Variants in RBM8A observed in about 807,000 individuals in gnomAD.
RBM8A encodes RNA-binding protein 8A.
Under a neutral mutation model 25.1 loss-of-function variants are expected in RBM8A, and 8 were observed. The ratio of observed to expected loss-of-function variants is 0.32; its 90% CI spans 0.19 to 0.58. RBM8A has a LOEUF of 0.58. Ranked by LOEUF, RBM8A falls within the 20% of genes least tolerant of loss-of-function variation. The probability of loss-of-function intolerance (pLI) is 0.88; values close to 1 mark genes in which losing one functional copy is unlikely to be tolerated. For missense variants in RBM8A, 114 were observed against 236.8 expected (o/e 0.48, Z 3.40); for synonymous variants, 66 against 80.0 (o/e 0.82, Z 0.94).
In RBM8A at chr1:145,924,496, A is replaced by C; in HGVS notation, c.*1386T>G. 2.6e-6 allele frequency: 1 copy of C among 383,184 alleles called. No homozygotes were observed. The highest frequency in any genetic ancestry group is 5.4e-6 in the Non-Finnish European group (1 of 184,770). The allele number at this position is 383,184 out of a possible 1,614,324, so 23.7% of individuals were successfully genotyped here. A position where few individuals can be genotyped will look rare whatever the true frequency, so the allele number is the denominator to read the frequency against. On this transcript the variant is annotated 3_prime_UTR_variant, in exon 6 of 6. Transcript: ENST00000583313. ...TGGTGAGATTCTAACCATGTCTAGC[A>C]CCTGATGCTAGAGATAATTTTGTTG...
Position 145,927,078 on chromosome 1 carries a change from C to G in RBM8A, c.68-1G>C. Reference sequence around the variant, plus strand: ...TTTTCTTTCAGTTTGTGAATGCTCTCTGGAACCCCAGAAGATAAAAGAATA... The same window carrying G: ...TTTTCTTTCAGTTTGTGAATGCTCTGTGGAACCCCAGAAGATAAAAGAATA... On this transcript the variant is annotated splice_acceptor_variant, in intron 1 of 5. Coordinates refer to ENST00000583313, the MANE Select transcript of RBM8A (RefSeq NM_005105.5). LOFTEE classifies it high-confidence loss of function. The G allele has an allele frequency of 6.2e-7, 1 of 1,613,572 alleles. No homozygotes were observed. The highest frequency in any genetic ancestry group is 8.5e-7 in the Non-Finnish European group (1 of 1,179,500).
intron 4 of RBM8A, 112 bp from the exon 5 acceptor site, chr1:145,926,289 A>T: frequency 1.4e-6 from 2 of 1,478,848 alleles, no homozygotes; most frequent in Non-Finnish European, 1.9e-6. Context: ...TAAACAATGA[A>T]TGTACATCAT....
At position 145,926,180 on chromosome 1, in the gene RBM8A, G is replaced by A. The variant is rs199925293; in HGVS notation, c.343-3C>T. The A allele has an allele frequency of 1.2e-6, 2 of 1,612,806 alleles. No individual in the cohort carries two copies. Among genetic ancestry groups the A allele is most frequent in the African/African-American group, 1.3e-5 (1 of 74,986 alleles). On this transcript the variant is annotated splice_region_variant and splice_polypyrimidine_tract_variant and intron_variant, in intron 4 of 5. Coordinates refer to ENST00000583313, the MANE Select transcript of RBM8A (RefSeq NM_005105.5). ...TCATATTCAACTAGAGTATACCCCT[G>A]GGGAAAGTGAAAAGACAGATATGAA...
In RBM8A at chr1:145,922,933, T is replaced by A. The variant is rs1402728452; in HGVS notation, c.*2949A>T. 1 of 151,424 alleles carries A rather than the reference T, an allele frequency of 6.6e-6. No homozygotes were observed. Among genetic ancestry groups the A allele is most frequent in the African/African-American group, 2.4e-5 (1 of 40,980 alleles). The allele number at this position is 151,424 out of a possible 1,614,324, so 9.4% of individuals were successfully genotyped here. A position where few individuals can be genotyped will look rare whatever the true frequency, so the allele number is the denominator to read the frequency against. ...CCAAGAGCTTTGATTATTATTTTTT[T>A]TTTTTTTGGAGACAGTCTTACTCTG... On this transcript the variant is annotated 3_prime_UTR_variant, in exon 6 of 6. Transcript: ENST00000583313.
At position 145,922,905 on chromosome 1, in the gene RBM8A, A is replaced by C. The variant is rs1378110702; in HGVS notation, c.*2977T>G. The C allele has an allele frequency of 6.6e-6, 1 of 151,488 alleles. No individual in the cohort carries two copies. The highest frequency in any genetic ancestry group is 1.5e-5 in the Non-Finnish European group (1 of 67,934). 9.4% of individuals were successfully genotyped at this position (151,488 alleles called of 1,614,324 possible). A position where few individuals can be genotyped will look rare whatever the true frequency, so the allele number is the denominator to read the frequency against. ...AAACAAGGCTGTGGACCAAACTATAAATCCAAGAGCTTTGATTATTATTTT... is the reference window on the plus strand; with the variant it reads ...AAACAAGGCTGTGGACCAAACTATACATCCAAGAGCTTTGATTATTATTTT... On this transcript the variant is annotated 3_prime_UTR_variant, in exon 6 of 6. Coordinates refer to ENST00000583313, the MANE Select transcript of RBM8A (RefSeq NM_005105.5).
chr1:145,925,790 T>C lies in RBM8A; in HGVS notation c.*92A>G, dbSNP rs1648117806. The C allele has an allele frequency of 7.1e-7, 1 of 1,408,174 alleles. No homozygotes were observed. The highest frequency in any genetic ancestry group is 1.0e-6 in the Non-Finnish European group (1 of 998,306). The allele number at this position is 1,408,174 out of a possible 1,614,324, so 87.2% of individuals were successfully genotyped here. A position where few individuals can be genotyped will look rare whatever the true frequency, so the allele number is the denominator to read the frequency against. On this transcript the variant is annotated 3_prime_UTR_variant, in exon 6 of 6. Transcript: ENST00000583313. Reference sequence around the variant, plus strand: ...CGCATATACGGTAAGAGATTAAATATAAACACAGCAAGTTCCACCCCAGTC... The same window carrying C: ...CGCATATACGGTAAGAGATTAAATACAAACACAGCAAGTTCCACCCCAGTC...
In RBM8A at chr1:145,924,641, C is replaced by G. The variant is rs1647999540; in HGVS notation, c.*1241G>C. On this transcript the variant is annotated 3_prime_UTR_variant, in exon 6 of 6. Transcript: ENST00000583313. ...GTGGCTTCATATTTCTATCATAATC[C>G]CTGGGGGTAAGAAATCATATAGTCC... is the stretch of plus-strand genomic sequence containing the variant. 2.8e-6 allele frequency: 1 copy of G among 354,264 alleles called. No homozygotes were observed. Among genetic ancestry groups the G allele is most frequent in the African/African-American group, 2.2e-5 (1 of 46,344 alleles). 21.9% of individuals were successfully genotyped at this position (354,264 alleles called of 1,614,324 possible).
chr1:145,927,050 G>A lies in RBM8A; in HGVS notation c.95C>T (p.Ala32Val). The change falls in exon 2 of 6, where the codon GCG becomes GTG. Residue 32 changes from alanine to valine, a missense_variant. By Grantham distance (64) the Ala-to-Val change is moderately conservative. This residue lies in a region of RBM8A where 12 missense variants were observed against 54.1 expected (regional missense o/e 0.22). Coordinates refer to ENST00000583313, the MANE Select transcript of RBM8A (RefSeq NM_005105.5). ...AAAGCCGCGACCCTTCCGTTTCTTCGCTTTTTCTTTCAGTTTGTGAATGCT... is the reference window on the plus strand; with the variant it reads ...AAAGCCGCGACCCTTCCGTTTCTTCACTTTTTCTTTCAGTTTGTGAATGCT... ...DESIHKLKEK[A>V]KKRKGRGFGS... is the part of the protein sequence containing the mutation. 1.9e-6 allele frequency: 3 copies of A among 1,614,022 alleles called. No individual in the cohort carries two copies. The highest frequency in any genetic ancestry group is 1.7e-6 in the Non-Finnish European group (2 of 1,179,984).
In RBM8A at chr1:145,924,523, A is replaced by G. The variant is rs1647993098; in HGVS notation, c.*1359T>C. 2.7e-6 allele frequency: 1 copy of G among 376,072 alleles called. No homozygotes were observed. The highest frequency in any genetic ancestry group is 3.5e-5 in the Admixed American group (1 of 28,262). 23.3% of individuals were successfully genotyped at this position (376,072 alleles called of 1,614,324 possible). On this transcript the variant is annotated 3_prime_UTR_variant, in exon 6 of 6. Coordinates refer to ENST00000583313, the MANE Select transcript of RBM8A (RefSeq NM_005105.5). ...CTGATGCTAGAGATAATTTTGTTGA[A>G]TCCCTTCAATTATAAACAGCTGAGT...
rs1647925931 is a variant in RBM8A at position 145,923,532 on chromosome 1, C to CA, written c.*2349dup. ...ACCTTTTATCAAATTAATAGTGACT[C>CA]AATCTCCATTACTGGAAAGCAGGCA... On this transcript the variant is annotated 3_prime_UTR_variant, in exon 6 of 6. Coordinates refer to ENST00000583313, the MANE Select transcript of RBM8A (RefSeq NM_005105.5). 5.4e-6 allele frequency: 1 copy of CA among 185,598 alleles called. No individual in the cohort carries two copies. Among genetic ancestry groups the CA allele is most frequent in the Non-Finnish European group, 1.1e-5 (1 of 89,802 alleles). The allele number at this position is 185,598 out of a possible 1,614,324, so 11.5% of individuals were successfully genotyped here.
chr1:145,927,391 G>C lies in RBM8A; in HGVS notation c.36C>G (p.Gly12=), dbSNP rs782599200. The change falls in exon 1 of 6, where the codon GGC becomes GGG. Residue 12 remains glycine, a synonymous_variant. Transcript: ENST00000583313. ...ADVLDLHEAG[G]EDFAMDEDGD... is the part of the protein sequence containing the mutation. ...CATCCTCATCCATGGCGAAATCTTCGCCCCCAGCCTCGTGAAGATCTAGCA... is the reference window on the plus strand; with the variant it reads ...CATCCTCATCCATGGCGAAATCTTCCCCCCCAGCCTCGTGAAGATCTAGCA... 2.2e-5 allele frequency: 36 copies of C among 1,611,542 alleles called. No individual in the cohort carries two copies. In the African/African-American group the frequency reaches 4.3e-4, roughly 19 times the overall value.
chr1:145,925,975 C>G (rs374140286), intron 5 of RBM8A, 48 bp from the exon 6 acceptor site: 1 of 1,613,780 alleles, frequency 6.2e-7, no homozygotes, highest in Non-Finnish European at 8.5e-7. Flanking sequence ...GGACATAATA[C>G]TAAGTCCTCA....
rs587668620 is a variant in RBM8A at position 145,925,595 on chromosome 1, C to A, written c.*287G>T. The A allele has an allele frequency of 2.6e-6, 1 of 378,434 alleles. No individual in the cohort carries two copies. The highest frequency in any genetic ancestry group is 5.9e-5 in the East Asian group (1 of 17,080). 23.4% of individuals were successfully genotyped at this position (378,434 alleles called of 1,614,324 possible). A position where few individuals can be genotyped will look rare whatever the true frequency, so the allele number is the denominator to read the frequency against. On this transcript the variant is annotated 3_prime_UTR_variant, in exon 6 of 6. Coordinates refer to ENST00000583313, the MANE Select transcript of RBM8A (RefSeq NM_005105.5). ...CCACCCTGGGTAACACAGCAAGACT[C>A]TATCTCAAAAAAAAGAAAAAAAAGA...
Position 145,926,792 on chromosome 1 carries a change from G to A in RBM8A, c.205+17C>T. 1 of 1,614,006 alleles carries A rather than the reference G, an allele frequency of 6.2e-7. No homozygotes were observed. The highest frequency in any genetic ancestry group is 1.1e-5 in the South Asian group (1 of 91,072). On this transcript the variant is annotated intron_variant, in intron 3 of 5. Coordinates refer to ENST00000583313, the MANE Select transcript of RBM8A (RefSeq NM_005105.5). Reference sequence around the variant, plus strand: ...TACCACAGACACGGATACCTCACAGGTTCCATTATTACTCACAGCGTTGTG... The same window carrying A: ...TACCACAGACACGGATACCTCACAGATTCCATTATTACTCACAGCGTTGTG...
rs1299140365 is a variant in RBM8A at position 145,926,899 on chromosome 1, T to TA, written c.128-14dup. On this transcript the variant is annotated splice_polypyrimidine_tract_variant and intron_variant, in intron 2 of 5. Coordinates refer to ENST00000583313, the MANE Select transcript of RBM8A (RefSeq NM_005105.5). ...CGGGACCCCTCTTCTATAAGGGACATACACGAGATCACCGAAAACTCCTCC... is the reference window on the plus strand; with the variant it reads ...CGGGACCCCTCTTCTATAAGGGACATAACACGAGATCACCGAAAACTCCTCC... The TA allele has an allele frequency of 1.9e-6, 3 of 1,614,050 alleles. No homozygotes were observed. In the Admixed American group the frequency reaches 5.0e-5, roughly 27 times the overall value.
In RBM8A at chr1:145,924,404, G is replaced by A; in HGVS notation, c.*1478C>T. On this transcript the variant is annotated 3_prime_UTR_variant, in exon 6 of 6. Coordinates refer to ENST00000583313, the MANE Select transcript of RBM8A (RefSeq NM_005105.5). ...TCCCAGGCCTTAATCCTTAACCCTAGACCTGTTGCCTCTAGCATCATTTAT... is the reference window on the plus strand; with the variant it reads ...TCCCAGGCCTTAATCCTTAACCCTAAACCTGTTGCCTCTAGCATCATTTAT... The A allele has an allele frequency of 2.1e-6, 1 of 473,040 alleles. No homozygotes were observed. Among genetic ancestry groups the A allele is most frequent in the Non-Finnish European group, 4.4e-6 (1 of 229,464 alleles). The allele number at this position is 473,040 out of a possible 1,614,324, so 29.3% of individuals were successfully genotyped here.
chr1:145,924,358 G>T lies in RBM8A; in HGVS notation c.*1524C>A, dbSNP rs782431884. 7 of 489,334 alleles carry T rather than the reference G, an allele frequency of 1.4e-5. No individual in the cohort carries two copies. The highest frequency in any genetic ancestry group is 7.7e-5 in the South Asian group (5 of 64,652). The allele number at this position is 489,334 out of a possible 1,614,324, so 30.3% of individuals were successfully genotyped here. Reference sequence around the variant, plus strand: ...TGTCCAGGCCCCAGACAAGGAAGGGGAGCCATGGTGAGACTCCAATTCCCA... The same window carrying T: ...TGTCCAGGCCCCAGACAAGGAAGGGTAGCCATGGTGAGACTCCAATTCCCA... On this transcript the variant is annotated 3_prime_UTR_variant, in exon 6 of 6. Coordinates refer to ENST00000583313, the MANE Select transcript of RBM8A (RefSeq NM_005105.5).
Position 145,925,856 on chromosome 1 carries a change from A to G in RBM8A, c.*26T>C, listed in dbSNP as rs1553755751. ...TGCATGGTCAAATGGAATCTTGAAGAGAACACCTGGACAACAGAGGACCTG... is the reference window on the plus strand; with the variant it reads ...TGCATGGTCAAATGGAATCTTGAAGGGAACACCTGGACAACAGAGGACCTG... On this transcript the variant is annotated 3_prime_UTR_variant, in exon 6 of 6. Coordinates refer to ENST00000583313, the MANE Select transcript of RBM8A (RefSeq NM_005105.5). 1 of 1,603,240 alleles carries G rather than the reference A, an allele frequency of 6.2e-7. No homozygotes were observed.
chr1:145,926,658 G>A, intron 3 of RBM8A, 40 bp from the exon 4 acceptor site: 1 of 1,613,078 alleles, frequency 6.2e-7, no homozygotes, highest in African/African-American at 1.3e-5. Context: ...GTACATGAGA[G>A]ACACTTTAAG....
Sources: gnomAD v4.1 joint callset for allele counts on GRCh38, gnomAD v4.1.1 for gene constraint, gnomAD v4.1.1 regional missense constraint, MANE v1.5 for transcripts, NCBI Gene and HGNC (gene_info 2026-07-23, HGNC 2026-07-21) for gene names.